The following CADPS variants were observed in gnomAD, a reference collection of about 807,000 sequenced individuals.
The protein encoded by CADPS is calcium dependent secretion activator.
In CADPS, 57 loss-of-function variants were observed where a neutral mutation model predicts 167.3. The ratio of observed to expected loss-of-function variants is 0.34; its 90% CI spans 0.28 to 0.42. CADPS has a LOEUF of 0.42. Ranked by LOEUF, CADPS falls within the 20% of genes least tolerant of loss-of-function variation. The probability of loss-of-function intolerance (pLI) is 1.00; values close to 1 mark genes in which losing one functional copy is unlikely to be tolerated. For synonymous variants in CADPS, 676 were observed against 635.3 expected (o/e 1.06, Z -0.96); for missense variants, 1,414 against 1,738.1 (o/e 0.81, Z 3.32).
chr3:62,494,097 T>G (rs1164967906), intron 18 of CADPS, among the ~76,000 whole-genome samples: 1 of 152,224 alleles, frequency 6.6e-6, no homozygotes, highest in Non-Finnish European at 1.5e-5. Flanking sequence ...TAGAATTTCC[T>G]GAGAAAGTTG....
intron 22 of CADPS, among the ~76,000 whole-genome samples, chr3:62,480,108 G>T (rs1421512259): frequency 6.6e-6 from 1 of 151,984 alleles, no homozygotes; most frequent in Non-Finnish European, 1.5e-5. Context: ...ATGAGGAAAA[G>T]AATATTTTCT....
At chr3:62,608,589 T>A (rs755908590) in intron 6 of CADPS, among the ~76,000 whole-genome samples, 3 of 152,180 alleles carry the variant, frequency 2.0e-5, no homozygotes, top group Non-Finnish European at 2.9e-5. Flanking sequence ...GAAAGTTGAA[T>A]TGAGTTGTAA....
intron 8 of CADPS, among the ~76,000 whole-genome samples, chr3:62,582,262 CT>C (rs2148513375): frequency 6.6e-6 from 1 of 152,260 alleles, no homozygotes; most frequent in Admixed American, 6.5e-5. Flanking sequence ...CCTGGCCAAC[CT>C]GGCAAAACCT....
intron 3 of CADPS, among the ~76,000 whole-genome samples, chr3:62,736,564 T>C (rs533616835): frequency 2.0e-5 from 3 of 152,170 alleles, no homozygotes; most frequent in African/African-American, 7.2e-5. Flanking sequence ...CAACTTTCTA[T>C]CTTACTCCAG....
chr3:62,417,445 T>C (rs1454839285), intron 28 of CADPS, among the ~76,000 whole-genome samples: 1 of 151,666 alleles, frequency 6.6e-6, no homozygotes, highest in African/African-American at 2.4e-5. Flanking sequence ...CCACCCCACC[T>C]GGCTAATTTT....
intron 29 of CADPS, among the ~76,000 whole-genome samples, chr3:62,400,664 A>T (rs1312126707): frequency 6.9e-6 from 1 of 144,168 alleles, no homozygotes; most frequent in African/African-American, 2.6e-5. Context: ...CAGCAGATCG[A>T]TCTCGGCTCA....
chr3:62,781,750 G>A (rs182213562), intron 1 of CADPS, among the ~76,000 whole-genome samples: 3 of 152,124 alleles, frequency 2.0e-5, no homozygotes. Flanking sequence ...CCAAGCAGAC[G>A]GCAAGATGGT....
Position 62,577,471 on chromosome 3 carries a change from T to C in CADPS, c.1578-6533A>G, listed in dbSNP as rs561270210. Among the ~76,000 whole-genome samples the C allele has an allele frequency of 7.2e-5, 11 of 152,160 alleles. No homozygotes were observed. In the East Asian group the frequency reaches 2.1e-3, roughly 30 times the overall value. On this transcript the variant is annotated intron_variant, in intron 8 of 29. Coordinates refer to ENST00000383710, the MANE Select transcript of CADPS (RefSeq NM_003716.4). ...TACAGGGATGCTTTTGTCCTCTTCT[T>C]GGGTGTCAAGGAGAAGATGGAGAGC...
At chr3:62,703,830 A>G (rs970564643) in intron 3 of CADPS, among the ~76,000 whole-genome samples, 1 of 152,134 alleles carries the variant, frequency 6.6e-6, no homozygotes, top group Non-Finnish European at 1.5e-5. Flanking sequence ...AAGATCCCCA[A>G]TGCAGCAGTC....
intron 1 of CADPS, among the ~76,000 whole-genome samples, chr3:62,860,336 C>T (rs1370022345): frequency 6.6e-6 from 1 of 152,150 alleles, no homozygotes; most frequent in African/African-American, 2.4e-5. Context: ...CCAAAATCTC[C>T]TATTCTCTTA....
intron 6 of CADPS, among the ~76,000 whole-genome samples, chr3:62,612,073 C>A (rs2061579811): frequency 6.6e-6 from 1 of 152,168 alleles, no homozygotes; most frequent in African/African-American, 2.4e-5. Flanking sequence ...TTGAGTGAAT[C>A]ATCAATTTTG....
chr3:62,694,710 T>C (rs1269578327), intron 3 of CADPS, among the ~76,000 whole-genome samples: 1 of 152,098 alleles, frequency 6.6e-6, no homozygotes, highest in Non-Finnish European at 1.5e-5. Flanking sequence ...GCAAAGTAAG[T>C]GCAGCAACAG....
intron 3 of CADPS, among the ~76,000 whole-genome samples, chr3:62,732,587 C>T (rs1273715414): frequency 2.6e-5 from 4 of 152,234 alleles, no homozygotes; most frequent in South Asian, 2.1e-4. Context: ...GAAAGTTACA[C>T]GACAAGAGAC....
rs887271202 is a variant in CADPS, at chr3:62,641,631, G to A, written c.1325+4091C>T. On this transcript the variant is annotated intron_variant, in intron 6 of 29. Transcript: ENST00000383710. ...TATCCCCATTGGTTTCCCATCAGAA[G>A]CAAAAACAACCTATTGCAAATGGAG... is the stretch of plus-strand genomic sequence containing the variant. Among the ~76,000 whole-genome samples, 6 of 152,110 alleles carry A rather than the reference G, an allele frequency of 3.9e-5. No homozygotes were observed. The South Asian group carries it at 1.0e-3, about 26-fold the overall frequency.
At chr3:62,532,452 T>G (rs2073892586) in intron 13 of CADPS, among the ~76,000 whole-genome samples, 1 of 152,134 alleles carries the variant, frequency 6.6e-6, no homozygotes, top group South Asian at 2.1e-4. Context: ...AGGCAAATAT[T>G]TATTGTTTTT....
intron 3 of CADPS, among the ~76,000 whole-genome samples, chr3:62,693,724 G>A (rs1168415025): frequency 6.6e-6 from 1 of 150,982 alleles, no homozygotes; most frequent in Non-Finnish European, 1.5e-5. Flanking sequence ...GGCAGAGGTT[G>A]TAGTGAGCCG....
chr3:62,618,245 C>G (rs1009455109), intron 6 of CADPS, among the ~76,000 whole-genome samples: 1 of 152,220 alleles, frequency 6.6e-6, no homozygotes, highest in South Asian at 2.1e-4. Context: ...CAGAGGAAAA[C>G]AGCTGAGGGA....
At chr3:62,618,167 C>T (rs1375458269) in intron 6 of CADPS, among the ~76,000 whole-genome samples, 1 of 152,076 alleles carries the variant, frequency 6.6e-6, no homozygotes, top group Non-Finnish European at 1.5e-5. Context: ...AGAATGCAAG[C>T]CATGAGTTAC....
chr3:62,436,608 C>T (rs1005887370), intron 28 of CADPS, among the ~76,000 whole-genome samples: 6 of 152,204 alleles, frequency 3.9e-5, no homozygotes, highest in South Asian at 2.1e-4. Context: ...GGGGAGGACC[C>T]GCTGGTGAGC....
Sources: gnomAD v4.1 joint callset for allele counts (sites outside exome capture counted in the v4.1 genomes callset) on GRCh38, gnomAD v4.1.1 for gene constraint, MANE v1.5 for transcripts, NCBI Gene and HGNC (gene_info 2026-07-23, HGNC 2026-07-21) for gene names.